Variants in KLC3 observed in about 807,000 individuals in gnomAD.
The protein encoded by KLC3 is kinesin light chain 3.
KLC3 carries 72 observed loss-of-function variants against 62.9 expected under a neutral mutation model. The ratio of observed to expected loss-of-function variants is 1.15; its 90% CI spans 0.95 to 1.39. The LOEUF (loss-of-function observed/expected upper bound fraction) is 1.39, where lower values mean the gene tolerates loss of function less well. Among genes scored for constraint, KLC3 ranks in the 40% most tolerant of loss-of-function variants. KLC3 has a pLI of 0.00. For missense variants in KLC3, 848 were observed against 691.6 expected, an observed-to-expected ratio of 1.23 and a Z score of -2.54; for synonymous variants, 377 against 300.5, an observed-to-expected ratio of 1.25 and a Z score of -2.63.
rs545179190 is a variant in KLC3 at position 45,341,592 on chromosome 19, T to C, written c.-9+746T>C. Among the ~76,000 whole-genome samples, 543 of 112,528 alleles carry C rather than the reference T, an allele frequency of 4.8e-3. 1 individual carries two copies. The highest frequency in any genetic ancestry group is 0.01 in the Admixed American group (123 of 11,938). 73.8% of individuals were successfully genotyped at this position (112,528 alleles called of 152,430 possible). A position where few individuals can be genotyped will look rare whatever the true frequency, so the allele number is the denominator to read the frequency against. ...GTGTGTGTGTGTGCGCGCGCGCGTG[T>C]GGTGGACAGTGTGGCACTGGATCAG... On this transcript the variant is annotated intron_variant, in intron 1 of 12. Coordinates refer to ENST00000391946, the MANE Select transcript of KLC3 (RefSeq NM_177417.3).
At chr19:45,347,340 C>CAAAAAAAA (rs538695727) in intron 3 of KLC3, 107 bp from the exon 4 acceptor site, 70 of 558,272 alleles carry the variant, frequency 1.3e-4, no homozygotes, top group African/African-American at 1.5e-4. Flanking sequence ...AACTCCGTCT[C>CAAAAAAAA]AAAAAAAAAA....
chr19:45,343,226 C>T (rs764195615), intron 1 of KLC3, among the ~76,000 whole-genome samples: 5 of 151,978 alleles, frequency 3.3e-5, no homozygotes, highest in Non-Finnish European at 5.9e-5. Flanking sequence ...CGGGGGACAG[C>T]GAGTGTCACG....
At chr19:45,341,586 C>CGCGCGCGCGCGCGT (rs746391396) in intron 1 of KLC3, among the ~76,000 whole-genome samples, 1 of 114,528 alleles carries the variant, frequency 8.7e-6, no homozygotes, top group Non-Finnish European at 1.9e-5. Flanking sequence ...TGTGCGCGCG[C>CGCGCGCGCGCGCGT]GCGTGTGGTG....
At chr19:45,346,292 G>A (rs1331494140) in intron 2 of KLC3, among the ~76,000 whole-genome samples, 1 of 152,128 alleles carries the variant, frequency 6.6e-6, no homozygotes, top group African/African-American at 2.4e-5. Context: ...GTCCTTGTGT[G>A]TGACAGGGAC....
chr19:45,351,174 G>A (rs1490591778), intron 12 of KLC3, 112 bp from the exon 13 acceptor site: 4 of 1,586,614 alleles, frequency 2.5e-6, no homozygotes, highest in Non-Finnish European at 2.6e-6. Flanking sequence ...TTTACTTGGG[G>A]TAGAGGCGAG....
At chr19:45,350,492 T>C in intron 9 of KLC3, 22 bp from the exon 10 acceptor site, 1 of 1,613,448 alleles carries the variant, frequency 6.2e-7, no homozygotes. Context: ...CCCATCTCAG[T>C]GTCCCCCATC....
chr19:45,347,896 G>C (rs769344451), intron 4 of KLC3, 45 bp from the exon 5 acceptor site: 1 of 1,485,414 alleles, frequency 6.7e-7, no homozygotes. Flanking sequence ...AGGCTGGAGG[G>C]GCAGGAGGCT....
rs1405133210 is a variant in KLC3, at chr19:45,350,748, G to T, written c.1379+1G>T. On this transcript the variant is annotated splice_donor_variant, in intron 11 of 12. Coordinates refer to ENST00000391946, the MANE Select transcript of KLC3 (RefSeq NM_177417.3). LOFTEE classifies it high-confidence loss of function. Reference sequence around the variant, plus strand: ...GCGAGGCGGCGGCAGGAGCAGCCGGGTGAGTGTTGATCAGGTCGGCAAAGA... The same window carrying T: ...GCGAGGCGGCGGCAGGAGCAGCCGGTTGAGTGTTGATCAGGTCGGCAAAGA... 1 of 1,609,084 alleles carries T rather than the reference G, an allele frequency of 6.2e-7. No homozygotes were observed. Among genetic ancestry groups the T allele is most frequent in the South Asian group, 1.1e-5 (1 of 90,380 alleles).
Position 45,351,340 on chromosome 19 carries a change from G to A in KLC3, c.1498G>A (p.Asp500Asn). The A allele has an allele frequency of 9.3e-6, 15 of 1,611,708 alleles. No individual in the cohort carries two copies. The highest frequency in any genetic ancestry group is 1.3e-5 in the Non-Finnish European group (15 of 1,179,994). ...TCGGACCCTCAGCGCCAGCACCCAG[G>A]ACCTGAGCCCCCACTAACGTCCAGT... ...APRTLSASTQ[D>N]LSPH Residue 500 changes from aspartate to asparagine, a missense_variant, in exon 13 of 13, where the codon GAC becomes AAC. Transcript: ENST00000391946.
Position 45,348,107 on chromosome 19 carries a change from C to G in KLC3, c.726C>G (p.Gly242=). The change falls in exon 5 of 13, where the codon GGC becomes GGG. Residue 242 remains glycine, a synonymous_variant. Coordinates refer to ENST00000391946, the MANE Select transcript of KLC3 (RefSeq NM_177417.3). ...TGGAGGACCTGGAGCGCAGCTCGGG[C>G]CACTGCCACCCTGACGTGGCCACCA... ...QALEDLERSS[G]HCHPDVATML... is the part of the protein sequence containing the mutation. 6.2e-7 allele frequency: 1 copy of G among 1,601,882 alleles called. No homozygotes were observed. Among genetic ancestry groups the G allele is most frequent in the Non-Finnish European group, 8.5e-7 (1 of 1,174,554 alleles).
Position 45,348,104 on chromosome 19 carries a change from G to C in KLC3, c.723G>C (p.Ser241=). Residue 241 remains serine (S), a synonymous_variant, in exon 5 of 13, where the codon TCG becomes TCC. Transcript: ENST00000391946. ...CCTTGGAGGACCTGGAGCGCAGCTC[G>C]GGCCACTGCCACCCTGACGTGGCCA... ...RQALEDLERS[S]GHCHPDVATM... The C allele has an allele frequency of 6.2e-7, 1 of 1,602,202 alleles. No individual in the cohort carries two copies. The highest frequency in any genetic ancestry group is 1.1e-5 in the South Asian group (1 of 89,288).
At chr19:45,348,378 G>C (rs1599710721) in intron 5 of KLC3, among the ~76,000 whole-genome samples, 2 of 133,424 alleles carry the variant, frequency 1.5e-5, no homozygotes, top group African/African-American at 2.5e-5. Context: ...CAGGCAGAGA[G>C]GAGTCAGAGA....
At position 45,346,751 on chromosome 19, in the gene KLC3, T is replaced by C. The variant is rs369381159; in HGVS notation, c.466T>C (p.Tyr156His). Residue 156 changes from tyrosine (Y) to histidine (H), a missense_variant, in exon 3 of 13, where the codon TAC becomes CAC. Coordinates refer to ENST00000391946, the MANE Select transcript of KLC3 (RefSeq NM_177417.3). ...HLEFLGQLRQ[Y>H]DPPAESQQSE... ...GGAGTTCCTGGGGCAGCTGCGACAG[T>C]ACGACCCACCGGCGGAGAGCCAGGT... 64 of 1,585,912 alleles carry C rather than the reference T, an allele frequency of 4.0e-5. No individual in the cohort carries two copies. In the African/African-American group the frequency reaches 8.0e-4, roughly 20 times the overall value.
Position 45,350,696 on chromosome 19 carries a change from G to T in KLC3, c.1328G>T (p.Ser443Ile), listed in dbSNP as rs569089733. The part of the protein sequence containing the change: ...SKIRESIRRG[S>I]EKLVSRLRGE... ...ATCCGTGAGTCTATCAGGCGAGGAA[G>T]TGAGAAGCTGGTCTCCCGGCTCCGA... The change falls in exon 11 of 13, where the codon AGT (serine) becomes ATT (isoleucine). Residue 443 changes from serine to isoleucine, a missense_variant. Physicochemically the swap from Ser to Ile is moderately radical, Grantham distance 142. Coordinates refer to ENST00000391946, the MANE Select transcript of KLC3 (RefSeq NM_177417.3). 1 of 1,613,712 alleles carries T rather than the reference G, an allele frequency of 6.2e-7. No homozygotes were observed. The highest frequency in any genetic ancestry group is 8.5e-7 in the Non-Finnish European group (1 of 1,179,928).
chr19:45,350,996 T>C lies in KLC3; in HGVS notation c.1422T>C (p.Ala474=). Residue 474 remains alanine (A), a synonymous_variant, in exon 12 of 13, where the codon GCT becomes GCC. Coordinates refer to ENST00000391946, the MANE Select transcript of KLC3 (RefSeq NM_177417.3). ...CACTCAACACACTGAACGTGGATGC[T>C]CCAAGGGCTCCTGGGACTCAGGTGA... is the stretch of plus-strand genomic sequence containing the variant. ...AMSLNTLNVD[A]PRAPGTQFPS... The C allele has an allele frequency of 6.2e-7, 1 of 1,614,058 alleles. No individual in the cohort carries two copies. Among genetic ancestry groups the C allele is most frequent in the South Asian group, 1.1e-5 (1 of 91,086 alleles).
At chr19:45,351,222 T>A (rs1218937952) in intron 12 of KLC3, 64 bp from the exon 13 acceptor site, 1 of 1,591,606 alleles carries the variant, frequency 6.3e-7, no homozygotes, top group African/African-American at 1.3e-5. Flanking sequence ...GACCTGGAGC[T>A]GGAGGGTGGA....
intron 5 of KLC3, 52 bp downstream of exon 5, chr19:45,348,212 G>A: frequency 6.8e-7 from 1 of 1,475,234 alleles, no homozygotes; most frequent in Non-Finnish European, 9.2e-7. Flanking sequence ...GGGACCCATT[G>A]GGTGCAAGTG....
chr19:45,346,541 C>T lies in KLC3; in HGVS notation c.259-3C>T, dbSNP rs1393608375. 6.6e-7 allele frequency: 1 copy of T among 1,524,840 alleles called. No homozygotes were observed. The highest frequency in any genetic ancestry group is 2.5e-5 in the East Asian group (1 of 40,520). The allele number at this position is 1,524,840 out of a possible 1,614,324, so 94.5% of individuals were successfully genotyped here. ...CTCGACTTGGGACCCCCACCCCGGG[C>T]AGGTGCTGCTGGCCCTGTCGGCACA... On this transcript the variant is annotated splice_region_variant and splice_polypyrimidine_tract_variant and intron_variant, in intron 2 of 12. Coordinates refer to ENST00000391946, the MANE Select transcript of KLC3 (RefSeq NM_177417.3).
At position 45,351,305 on chromosome 19, in the gene KLC3, A is replaced by G; in HGVS notation, c.1463A>G (p.Asp488Gly). ...CTCCAGTTTCCCAGCTGGCACCTGG[A>G]CAAGGCCCCTCGGACCCTCAGCGCC... Reference protein sequence around the residue: ...PGTQFPSWHLDKAPRTLSAST... With the variant: ...PGTQFPSWHLGKAPRTLSAST... The change falls in exon 13 of 13, where the codon GAC becomes GGC. Residue 488 changes from aspartate to glycine, a missense_variant. Physicochemically the swap from Asp to Gly is moderately conservative, Grantham distance 94 (BLOSUM62 -1). Coordinates refer to ENST00000391946, the MANE Select transcript of KLC3 (RefSeq NM_177417.3). The G allele has an allele frequency of 6.2e-7, 1 of 1,612,666 alleles. No homozygotes were observed. Among genetic ancestry groups the G allele is most frequent in the Non-Finnish European group, 8.5e-7 (1 of 1,179,994 alleles).
Sources: allele counts gnomAD v4.1 joint callset (sites outside exome capture counted in the v4.1 genomes callset), GRCh38; gene constraint gnomAD v4.1.1; transcripts MANE v1.5; gene names NCBI Gene and HGNC (gene_info 2026-07-23, HGNC 2026-07-21).